The following BAIAP2 variants were observed in gnomAD, a reference collection of about 807,000 sequenced individuals.
BAIAP2 encodes the protein BAR/IMD domain containing adaptor protein 2, also known as BAR/IMD domain-containing adapter protein 2.
In BAIAP2, 18 loss-of-function variants were observed where a neutral mutation model predicts 63.0. The observed-to-expected ratio is 0.29, with a 90% CI of 0.20 to 0.42. The LOEUF (loss-of-function observed/expected upper bound fraction) is 0.42, where lower values mean the gene tolerates loss of function less well. Among genes scored for constraint, BAIAP2 ranks in the 10% least tolerant of loss-of-function variants. The probability of loss-of-function intolerance (pLI) is 1.00; values close to 1 mark genes in which losing one functional copy is unlikely to be tolerated. For synonymous variants in BAIAP2, 386 were observed against 307.6 expected, an observed-to-expected ratio of 1.25 and a Z score of -2.67; for missense variants, 610 against 734.3, an observed-to-expected ratio of 0.83 and a Z score of 1.96.
intron 3 of BAIAP2, among the ~76,000 whole-genome samples, chr17:81,079,091 G>T (rs887225559): frequency 6.6e-6 from 1 of 152,206 alleles, no homozygotes; most frequent in African/African-American, 2.4e-5. Flanking sequence ...TCCGCCAGGT[G>T]CTGCGCCCAA....
intron 3 of BAIAP2, among the ~76,000 whole-genome samples, chr17:81,067,579 C>G (rs1012637915): frequency 3.5e-5 from 2 of 57,388 alleles, no homozygotes; most frequent in Middle Eastern, 9.3e-3. Flanking sequence ...TCTGGCTGCT[C>G]GTGGTTTGAT....
rs544940030 is a variant in BAIAP2 at position 81,103,936 on chromosome 17, C to T, written c.894C>T (p.Ile298=). The change falls in exon 9 of 14, where the codon ATC becomes ATT. Residue 298 remains isoleucine (I), a synonymous_variant. Transcript: ENST00000428708. Reference sequence around the variant, plus strand: ...TGTCTGCCCAGGAGAGCACACCCATCATGAACGGCGTCACAGGCCCGGATG... The same window carrying T: ...TGTCTGCCCAGGAGAGCACACCCATTATGAACGGCGTCACAGGCCCGGATG... ...GRMSAQESTP[I]MNGVTGPDGE... 10 of 1,613,036 alleles carry T rather than the reference C, an allele frequency of 6.2e-6. No individual in the cohort carries two copies. The highest frequency in any genetic ancestry group is 2.2e-5 in the South Asian group (2 of 91,084).
intron 3 of BAIAP2, among the ~76,000 whole-genome samples, chr17:81,076,878 G>A (rs910564778): frequency 1.3e-5 from 2 of 152,194 alleles, no homozygotes; most frequent in Admixed American, 6.5e-5. Context: ...GGCTGGGGCC[G>A]GAGGATCCCT....
chr17:81,043,726 A>G (rs1452040420), intron 1 of BAIAP2, among the ~76,000 whole-genome samples: 2 of 151,978 alleles, frequency 1.3e-5, no homozygotes, highest in Admixed American at 6.5e-5. Flanking sequence ...CCTGCCTGAC[A>G]GGGGATCCTC....
rs576039497 is a variant in BAIAP2, at chr17:81,038,966, G to A, written c.54+3658G>A. 1.6e-4 allele frequency among the ~76,000 whole-genome samples: 25 copies of A among 152,348 alleles called. 1 individual carries two copies. Among genetic ancestry groups the A allele is most frequent in the Admixed American group, 7.2e-4 (11 of 15,312 alleles). On this transcript the variant is annotated intron_variant, in intron 1 of 13. Transcript: ENST00000428708. Reference sequence around the variant, plus strand: ...CACAGTGCTGGACCCAGCTCCGTGCGCGTGTACATGTGTATGTGTGTCCGT... The same window carrying A: ...CACAGTGCTGGACCCAGCTCCGTGCACGTGTACATGTGTATGTGTGTCCGT...
rs1335881385 is a variant in BAIAP2, at chr17:81,109,652, C to T, written c.1535+1143C>T. ...CTGTGAGGGAGGCCGGGCCCGGGCA[C>T]CTGAGGGCTTCTCCCTCTGGACACT... On this transcript the variant is annotated intron_variant, in intron 13 of 13. Transcript: ENST00000428708. The T allele has an allele frequency of 3.0e-6, 3 of 984,920 alleles. No individual in the cohort carries two copies. In the African/African-American group the frequency reaches 5.3e-5, roughly 17 times the overall value. The allele number at this position is 984,920 out of a possible 1,614,324, so 61.0% of individuals were successfully genotyped here. A position where few individuals can be genotyped will look rare whatever the true frequency, so the allele number is the denominator to read the frequency against.
At chr17:81,085,041 G>A in intron 4 of BAIAP2, 148 bp downstream of exon 4, 1 of 797,354 alleles carries the variant, frequency 1.3e-6, no homozygotes, top group South Asian at 1.5e-5. Flanking sequence ...CAGCACACAA[G>A]CCACACTCGA....
chr17:81,040,353 C>A (rs1312234147), intron 1 of BAIAP2, among the ~76,000 whole-genome samples: 1 of 152,274 alleles, frequency 6.6e-6, no homozygotes, highest in African/African-American at 2.4e-5. Flanking sequence ...CTAGTAATTA[C>A]AGGCAGGCGG....
At chr17:81,101,462 C>T (rs1371735281) in intron 7 of BAIAP2, among the ~76,000 whole-genome samples, 1 of 152,116 alleles carries the variant, frequency 6.6e-6, no homozygotes, top group African/African-American at 2.4e-5. Context: ...CACATGTGTC[C>T]CCTGGAACAT....
intron 3 of BAIAP2, among the ~76,000 whole-genome samples, chr17:81,082,002 G>A (rs2054697475): frequency 6.6e-6 from 1 of 152,090 alleles, no homozygotes; most frequent in Non-Finnish European, 1.5e-5. Context: ...GCGCGTCTTA[G>A]GTGGTTTGTG....
intron 6 of BAIAP2, among the ~76,000 whole-genome samples, chr17:81,096,288 C>T (rs912613377): frequency 6.6e-6 from 1 of 152,224 alleles, no homozygotes; most frequent in African/African-American, 2.4e-5. Context: ...GGGCCGGCCA[C>T]CGCTGGAAAA....
chr17:81,048,830 C>T (rs990912517), intron 1 of BAIAP2, among the ~76,000 whole-genome samples: 2 of 152,152 alleles, frequency 1.3e-5, no homozygotes, highest in Admixed American at 6.5e-5. Flanking sequence ...TCTCTGTGGA[C>T]GTCCCAGCAG....
At position 81,098,321 on chromosome 17, in the gene BAIAP2, A is replaced by AACTCCCCCTC. The variant is rs142441235; in HGVS notation, c.490-1606_490-1597dup. 0.014 allele frequency: 8,372 copies of AACTCCCCCTC among 607,312 alleles called. 596 individuals carry two copies. The African/African-American group carries it at 0.14, about 10-fold the overall frequency. 37.6% of individuals were successfully genotyped at this position (607,312 alleles called of 1,614,324 possible). A position where few individuals can be genotyped will look rare whatever the true frequency, so the allele number is the denominator to read the frequency against. ...AGCTTCTTCGCCACTCTCTCCCCCA[A>AACTCCCCCTC]ACTCCCCCTCTCCAGTTTCCTCCCG... On this transcript the variant is annotated intron_variant, in intron 6 of 13. Coordinates refer to ENST00000428708, the MANE Select transcript of BAIAP2 (RefSeq NM_001144888.2).
intron 3 of BAIAP2, among the ~76,000 whole-genome samples, chr17:81,061,618 C>G (rs1053867695): frequency 2.0e-5 from 3 of 152,170 alleles, no homozygotes; most frequent in African/African-American, 7.2e-5. Context: ...TGCATTTCGT[C>G]GCTTGCAGGG....
chr17:81,055,567 GTGTTT>G (rs1304756368), intron 2 of BAIAP2, among the ~76,000 whole-genome samples: 1 of 17,610 alleles, frequency 5.7e-5, no homozygotes, highest in Non-Finnish European at 1.3e-4. Context: ...AGTCTGCAGG[GTGTTT>G]TGTTTTTTTT....
intron 13 of BAIAP2, chr17:81,109,768 A>G: frequency 1.0e-6 from 1 of 985,476 alleles, no homozygotes; most frequent in Non-Finnish European, 1.2e-6. Context: ...GGCGCTGCCC[A>G]GCTGGCCGCA....
intron 3 of BAIAP2, among the ~76,000 whole-genome samples, chr17:81,059,278 C>T (rs768775862): frequency 9.9e-5 from 15 of 152,200 alleles, no homozygotes; most frequent in East Asian, 5.8e-4. Flanking sequence ...GCGGGGTCCC[C>T]GGGCCTCCGC....
At position 81,116,567 on chromosome 17, in the gene BAIAP2, T is replaced by C. The variant is rs1292839390; in HGVS notation, c.*728T>C. On this transcript the variant is annotated 3_prime_UTR_variant, in exon 14 of 14. Coordinates refer to ENST00000428708, the MANE Select transcript of BAIAP2 (RefSeq NM_001144888.2). ...GCCAGCTGTCAGGTGCTATGCGGGG[T>C]CACCAGCAGAGTGCCCGCTGGCAGG... 8 of 522,046 alleles carry C rather than the reference T, an allele frequency of 1.5e-5. No individual in the cohort carries two copies. The highest frequency in any genetic ancestry group is 1.3e-4 in the African/African-American group (7 of 52,316). The allele number at this position is 522,046 out of a possible 1,614,324, so 32.3% of individuals were successfully genotyped here.
At position 81,115,957 on chromosome 17, in the gene BAIAP2, T is replaced by G; in HGVS notation, c.*118T>G. 6.6e-7 allele frequency: 1 copy of G among 1,521,996 alleles called. No homozygotes were observed. The highest frequency in any genetic ancestry group is 8.8e-7 in the Non-Finnish European group (1 of 1,134,886). 94.3% of individuals were successfully genotyped at this position (1,521,996 alleles called of 1,614,324 possible). A position where few individuals can be genotyped will look rare whatever the true frequency, so the allele number is the denominator to read the frequency against. On this transcript the variant is annotated 3_prime_UTR_variant, in exon 14 of 14. Coordinates refer to ENST00000428708, the MANE Select transcript of BAIAP2 (RefSeq NM_001144888.2). ...ACATCCAGGCCCCGGCTGCCTGGTC[T>G]TGCCCCACTTGAGTCTGGCCTGGAC...
Sources: allele counts gnomAD v4.1 joint callset (sites outside exome capture counted in the v4.1 genomes callset), GRCh38; gene constraint gnomAD v4.1.1; transcripts MANE v1.5; gene names NCBI Gene and HGNC (gene_info 2026-07-23, HGNC 2026-07-21).